CNGB1: variants seen among roughly 807,000 people sequenced by gnomAD.
The protein encoded by CNGB1 is cyclic nucleotide gated channel subunit beta 1, also known as cyclic nucleotide-gated channel beta-1.
CNGB1 carries 126 observed loss-of-function variants against 151.7 expected under a neutral mutation model. The observed-to-expected ratio is 0.83, with a 90% CI of 0.72 to 0.96. The LOEUF (loss-of-function observed/expected upper bound fraction) is 0.96. CNGB1 is among the 40% of genes least tolerant of loss of function. CNGB1 has a pLI of 0.00. For synonymous variants in CNGB1, 623 were observed against 635.1 expected (o/e 0.98, Z 0.29); for missense variants, 1,698 against 1,627.0 (o/e 1.04, Z -0.75).
chr16:57,934,744 G>A (rs1961457771), intron 16 of CNGB1, among the ~76,000 whole-genome samples: 2 of 152,172 alleles, frequency 1.3e-5, no homozygotes, highest in Admixed American at 1.3e-4. Context: ...ATGACCTGAA[G>A]TTAGGAGTTT....
intron 19 of CNGB1, among the ~76,000 whole-genome samples, chr16:57,919,625 T>C (rs539731359): frequency 6.6e-6 from 1 of 152,292 alleles, no homozygotes; most frequent in Admixed American, 6.5e-5. Context: ...TTGTACCCAG[T>C]GTTCCCAGTA....
chr16:57,917,213 C>T, intron 21 of CNGB1, 55 bp downstream of exon 21: 2 of 1,474,130 alleles, frequency 1.4e-6, no homozygotes, highest in Non-Finnish European at 1.9e-6. Flanking sequence ...GCCCTGGAGG[C>T]TCTGGCTGAG....
intron 12 of CNGB1, chr16:57,955,480 C>A (rs1399366005): frequency 2.2e-6 from 2 of 897,806 alleles, no homozygotes; most frequent in Non-Finnish European, 3.5e-6. Context: ...GGACACATAT[C>A]CCCCAGCCTC....
At chr16:57,912,890 A>G (rs1960766686) in intron 24 of CNGB1, 40 bp downstream of exon 24, 1 of 1,592,234 alleles carries the variant, frequency 6.3e-7, no homozygotes, top group Non-Finnish European at 8.6e-7. Context: ...TGTGAGTGTC[A>G]TGTGTGTGTG....
rs971117022 is a variant in CNGB1 at position 57,957,221 on chromosome 16, C to T, written c.874+120G>A. 11 of 790,054 alleles carry T rather than the reference C, an allele frequency of 1.4e-5. No individual in the cohort carries two copies. The African/African-American group carries it at 5.1e-4, about 37-fold the overall frequency. 48.9% of individuals were successfully genotyped at this position (790,054 alleles called of 1,614,324 possible). A position where few individuals can be genotyped will look rare whatever the true frequency, so the allele number is the denominator to read the frequency against. On this transcript the variant is annotated intron_variant, in intron 12 of 32. Transcript: ENST00000251102. ...CTCCAGCCCAGGAGACCCTAACTGC[C>T]CCCCTGTGTGAGTCCAGGTCTGGCC...
At chr16:57,921,606 C>T (rs991832712) in intron 18 of CNGB1, among the ~76,000 whole-genome samples, 1 of 152,138 alleles carries the variant, frequency 6.6e-6, no homozygotes, top group African/African-American at 2.4e-5. Flanking sequence ...TCCTGTGGTG[C>T]ACACTCACTG....
rs1036637298 is a variant in CNGB1, at chr16:57,884,037, G to C, written c.*127C>G. 8.7e-6 allele frequency: 12 copies of C among 1,378,962 alleles called. No homozygotes were observed. In the South Asian group the frequency reaches 1.3e-4, roughly 15 times the overall value. The allele number at this position is 1,378,962 out of a possible 1,614,324, so 85.4% of individuals were successfully genotyped here. On this transcript the variant is annotated 3_prime_UTR_variant, in exon 33 of 33. Coordinates refer to ENST00000251102, the MANE Select transcript of CNGB1 (RefSeq NM_001297.5). The stretch of plus-strand genomic sequence containing the variant: ...GGACGGTCAGAGCTGCAGCCACTGA[G>C]GTCACGACTACGGAAAAGCATCTTC...
chr16:57,966,433 G>A (rs1341486152), intron 2 of CNGB1, among the ~76,000 whole-genome samples: 2 of 152,222 alleles, frequency 1.3e-5, no homozygotes, highest in Non-Finnish European at 2.9e-5. Flanking sequence ...TGAATGGATG[G>A]GTTGCAGAGG....
chr16:57,933,410 C>G (rs1055042448), intron 16 of CNGB1, among the ~76,000 whole-genome samples: 3 of 152,170 alleles, frequency 2.0e-5, no homozygotes, highest in African/African-American at 7.2e-5. Context: ...TCTGAGAGGC[C>G]CTGTACTGTG....
At chr16:57,958,377 C>T in intron 11 of CNGB1, 33 bp downstream of exon 11, 1 of 1,604,620 alleles carries the variant, frequency 6.2e-7, no homozygotes, top group Non-Finnish European at 8.5e-7. Context: ...CCCACCACCA[C>T]CAGGGCCACC....
chr16:57,926,156 C>T (rs1300604269), intron 17 of CNGB1, among the ~76,000 whole-genome samples: 1 of 152,218 alleles, frequency 6.6e-6, no homozygotes, highest in Non-Finnish European at 1.5e-5. Flanking sequence ...TCCACCCTTT[C>T]CCCAGCTGGA....
intron 19 of CNGB1, among the ~76,000 whole-genome samples, chr16:57,919,928 AG>A (rs769701500): frequency 6.6e-6 from 1 of 152,210 alleles, no homozygotes; most frequent in Non-Finnish European, 1.5e-5. Context: ...CCCTGACAAG[AG>A]ATCATGTGTC....
At chr16:57,930,335 A>C (rs1961310863) in intron 17 of CNGB1, among the ~76,000 whole-genome samples, 1 of 152,050 alleles carries the variant, frequency 6.6e-6, no homozygotes, top group South Asian at 2.1e-4. Context: ...CCATCTCTAC[A>C]AAAAATAAAA....
chr16:57,948,313 CTTCTT>C (rs111834472), intron 14 of CNGB1, among the ~76,000 whole-genome samples: 13,101 of 98,898 alleles, frequency 0.13, 602 homozygotes, highest in South Asian at 0.19. Context: ...TCTTCTTCTT[CTTCTT>C]TTTTTTTTTT....
chr16:57,955,232 G>T, intron 12 of CNGB1: 1 of 1,541,490 alleles, frequency 6.5e-7, no homozygotes. Context: ...GTTCAAATAG[G>T]GTGGGGTGTC....
intron 14 of CNGB1, among the ~76,000 whole-genome samples, chr16:57,942,865 A>G: frequency 8.1e-6 from 1 of 123,922 alleles, no homozygotes; most frequent in Non-Finnish European, 1.8e-5. Context: ...CCTGTCTCAA[A>G]AAAAAAAAAA....
chr16:57,961,039 G>A, intron 7 of CNGB1, 124 bp from the exon 8 acceptor site: 2 of 856,130 alleles, frequency 2.3e-6, no homozygotes, highest in Non-Finnish European at 3.8e-6. Flanking sequence ...GCACAGTGGG[G>A]GCCTTGTCCT....
Position 57,956,247 on chromosome 16 carries a change from T to C in CNGB1, c.874+1094A>G, listed in dbSNP as rs144167267. On this transcript the variant is annotated intron_variant, in intron 12 of 32. Transcript: ENST00000251102. ...GCTCTGTGACCCTGGGCAGGTGCTT[T>C]TGGTTCTCTGAGCTCTGCCCACTGC... 2.8e-4 allele frequency among the ~76,000 whole-genome samples: 43 copies of C among 152,288 alleles called. No homozygotes were observed. The East Asian group carries it at 7.9e-3, about 28-fold the overall frequency.
At position 57,904,883 on chromosome 16, in the gene CNGB1, G is replaced by T. The variant is rs1474334973; in HGVS notation, c.2493-8C>A. 6.2e-7 allele frequency: 1 copy of T among 1,614,206 alleles called. No individual in the cohort carries two copies. The highest frequency in any genetic ancestry group is 2.2e-5 in the East Asian group (1 of 44,890). Reference sequence around the variant, plus strand: ...TAGTAACAGCGAATATAACTGGAGAGAGAGGAGAAAGGGAACATGGGTCAT... The same window carrying T: ...TAGTAACAGCGAATATAACTGGAGATAGAGGAGAAAGGGAACATGGGTCAT... On this transcript the variant is annotated splice_region_variant and splice_polypyrimidine_tract_variant and intron_variant, in intron 25 of 32. Coordinates refer to ENST00000251102, the MANE Select transcript of CNGB1 (RefSeq NM_001297.5).
Sources: allele counts gnomAD v4.1 joint callset (sites outside exome capture counted in the v4.1 genomes callset), GRCh38; gene constraint gnomAD v4.1.1; transcripts MANE v1.5; gene names NCBI Gene and HGNC (gene_info 2026-07-23, HGNC 2026-07-21).